AURKA: variants seen among roughly 807,000 people sequenced by gnomAD.
The protein encoded by AURKA is aurora 2.
A neutral mutation model predicts 40.9 loss-of-function variants in AURKA; 12 were observed. The observed-to-expected ratio is 0.29, with a 90% CI of 0.19 to 0.48. The LOEUF (loss-of-function observed/expected upper bound fraction) is 0.48. AURKA is among the 20% of genes least tolerant of loss of function. The pLI, the probability that AURKA is intolerant of heterozygous loss-of-function variation, is 0.99. For synonymous variants in AURKA, 170 were observed against 164.3 expected (o/e 1.03, Z -0.26); for missense variants, 322 against 462.1 (o/e 0.70, Z 2.78).
At chr20:56,379,960 C>G (rs1486134062) in intron 6 of AURKA, among the ~76,000 whole-genome samples, 2 of 143,862 alleles carry the variant, frequency 1.4e-5, no homozygotes, top group African/African-American at 2.6e-5. Context: ...GAGATTCCAT[C>G]TCAAAAAAAG....
intron 4 of AURKA, 37 bp from the exon 5 acceptor site, chr20:56,383,213 A>G (rs769412344): frequency 5.6e-6 from 9 of 1,609,436 alleles, no homozygotes; most frequent in Non-Finnish European, 6.8e-6. Flanking sequence ...TGTGAAGAAA[A>G]CAAAGCTTTT....
intron 6 of AURKA, among the ~76,000 whole-genome samples, chr20:56,381,104 TA>T (rs998592871): frequency 6.6e-6 from 1 of 151,600 alleles, no homozygotes; most frequent in Admixed American, 6.6e-5. Context: ...CCTGTCCCTT[TA>T]AAAAAAATAA....
At chr20:56,386,697 T>C (rs2146206531) in intron 2 of AURKA, among the ~76,000 whole-genome samples, 164 bp from the exon 3 acceptor site, 1 of 152,358 alleles carries the variant, frequency 6.6e-6, no homozygotes, top group East Asian at 1.9e-4. Context: ...AGAGGATAGT[T>C]AGTATGTGGC....
At chr20:56,386,968 A>G (rs1342326879) in intron 2 of AURKA, among the ~76,000 whole-genome samples, 1 of 152,198 alleles carries the variant, frequency 6.6e-6, no homozygotes, top group African/African-American at 2.4e-5. Context: ...CAACAGTGGT[A>G]TTATCTTCAT....
chr20:56,381,742 A>T (rs561716777), intron 5 of AURKA, among the ~76,000 whole-genome samples, 171 bp from the exon 6 acceptor site: 26 of 152,240 alleles, frequency 1.7e-4, no homozygotes, highest in Middle Eastern at 3.4e-3. Context: ...AAATACATAC[A>T]CCCACATATC....
chr20:56,371,436 G>A (rs1302407589), intron 7 of AURKA, among the ~76,000 whole-genome samples: 1 of 151,548 alleles, frequency 6.6e-6, no homozygotes, highest in Non-Finnish European at 1.5e-5. Flanking sequence ...ACTCCAGCCT[G>A]GGTGACAGAG....
intron 1 of AURKA, among the ~76,000 whole-genome samples, chr20:56,389,642 T>C (rs1381324758): frequency 2.0e-5 from 3 of 152,152 alleles, no homozygotes; most frequent in Non-Finnish European, 2.9e-5. Context: ...CATCTGCACC[T>C]GATTATCTGA....
chr20:56,380,592 G>A (rs1985590704), intron 6 of AURKA, among the ~76,000 whole-genome samples: 1 of 152,076 alleles, frequency 6.6e-6, no homozygotes, highest in Non-Finnish European at 1.5e-5. Flanking sequence ...TTAAGTGTGG[G>A]CTATTCATAG....
intron 1 of AURKA, among the ~76,000 whole-genome samples, chr20:56,391,586 G>A (rs1987127696): frequency 6.6e-6 from 1 of 152,030 alleles, no homozygotes; most frequent in African/African-American, 2.4e-5. Context: ...AAGTTATCCC[G>A]GTACAACTGC....
chr20:56,379,104 A>G (rs1481324278), intron 6 of AURKA, among the ~76,000 whole-genome samples: 1 of 152,230 alleles, frequency 6.6e-6, no homozygotes, highest in Non-Finnish European at 1.5e-5. Flanking sequence ...CAAATGTAGG[A>G]AACCACCTTA....
At position 56,369,816 on chromosome 20, in the gene AURKA, A is replaced by T. The variant is rs1432328341; in HGVS notation, c.*342T>A. Reference sequence around the variant, plus strand: ...CCTTAACTGATCGGGGTCAGGGCAGAGTGGTCACTTTCCCCACAGCCAGGC... The same window carrying T: ...CCTTAACTGATCGGGGTCAGGGCAGTGTGGTCACTTTCCCCACAGCCAGGC... On this transcript the variant is annotated 3_prime_UTR_variant, in exon 9 of 9. Coordinates refer to ENST00000395915, the MANE Select transcript of AURKA (RefSeq NM_198437.3). The T allele has an allele frequency of 2.1e-6, 1 of 476,542 alleles. No homozygotes were observed. Among genetic ancestry groups the T allele is most frequent in the Non-Finnish European group, 3.9e-6 (1 of 259,240 alleles). The allele number at this position is 476,542 out of a possible 1,614,324, so 29.5% of individuals were successfully genotyped here.
chr20:56,379,508 G>A (rs1453544051), intron 6 of AURKA, among the ~76,000 whole-genome samples: 2 of 152,202 alleles, frequency 1.3e-5, no homozygotes, highest in African/African-American at 2.4e-5. Flanking sequence ...CCTAAAAGTA[G>A]TGACACCATA....
chr20:56,370,968 C>T (rs576672144), intron 7 of AURKA, among the ~76,000 whole-genome samples: 7 of 152,128 alleles, frequency 4.6e-5, no homozygotes, highest in African/African-American at 1.2e-4. Context: ...TCTGTAAATA[C>T]GATTTGGATT....
chr20:56,371,031 C>T (rs369739304), intron 7 of AURKA, among the ~76,000 whole-genome samples: 20 of 152,280 alleles, frequency 1.3e-4, no homozygotes, highest in South Asian at 4.1e-4. Flanking sequence ...AAAGCCTGGT[C>T]GCAATGACAA....
chr20:56,380,660 G>C (rs1456302639), intron 6 of AURKA, among the ~76,000 whole-genome samples: 1 of 152,078 alleles, frequency 6.6e-6, no homozygotes, highest in Non-Finnish European at 1.5e-5. Flanking sequence ...CTTTACAGTG[G>C]AGAAACCAGA....
intron 4 of AURKA, 66 bp downstream of exon 4, chr20:56,384,204 G>A (rs551414679): frequency 1.9e-5 from 26 of 1,375,672 alleles, no homozygotes; most frequent in African/African-American, 1.6e-4. Context: ...TTCCCACAAC[G>A]AAATTTGCAA....
Position 56,390,059 on chromosome 20 carries a change from C to T in AURKA, c.-5-1857G>A, listed in dbSNP as rs6092310. On this transcript the variant is annotated intron_variant, in intron 1 of 8. Transcript: ENST00000395915. ...GTGTTGATCCTCAGTTCAGAAGACCCCCATGGCTCCCAACTCAATCAAAAC... is the reference window on the plus strand; with the variant it reads ...GTGTTGATCCTCAGTTCAGAAGACCTCCATGGCTCCCAACTCAATCAAAAC... Among the ~76,000 whole-genome samples the T allele has an allele frequency of 4.4e-3, 674 of 152,252 alleles. 2 individuals carry two copies. Among genetic ancestry groups the T allele is most frequent in the African/African-American group, 0.015 (631 of 41,532 alleles).
chr20:56,382,181 A>C (rs1321772347), intron 5 of AURKA, among the ~76,000 whole-genome samples: 1 of 152,106 alleles, frequency 6.6e-6, no homozygotes, highest in Non-Finnish European at 1.5e-5. Context: ...AAAAGGAAAA[A>C]AAAAAAGGAC....
At chr20:56,370,744 C>T (rs1174940476) in intron 7 of AURKA, 85 bp from the exon 8 acceptor site, 2 of 1,456,378 alleles carry the variant, frequency 1.4e-6, no homozygotes, top group African/African-American at 1.4e-5. Flanking sequence ...AGTCCACTAA[C>T]ACTGAGGTCT....
Sources: allele counts gnomAD v4.1 joint callset (sites outside exome capture counted in the v4.1 genomes callset), GRCh38; gene constraint gnomAD v4.1.1; transcripts MANE v1.5; gene names NCBI Gene and HGNC (gene_info 2026-07-23, HGNC 2026-07-21).